Variants in TNS3 observed in about 807,000 individuals in gnomAD.
TNS3 encodes the protein tensin-3.
A neutral mutation model predicts 140.9 loss-of-function variants in TNS3; 45 were observed. The ratio of observed to expected loss-of-function variants is 0.32; its 90% CI spans 0.25 to 0.41. TNS3 has a LOEUF of 0.41. Ranked by LOEUF, TNS3 falls within the 10% of genes least tolerant of loss-of-function variation. The pLI is 1.00. For missense variants in TNS3, 1,716 were observed against 1,906.7 expected, an observed-to-expected ratio of 0.90 and a Z score of 1.86; for synonymous variants, 815 against 788.4, an observed-to-expected ratio of 1.03 and a Z score of -0.56.
chr7:47,446,688 C>CTTTTTTTTTTTTTTTTTTTT (rs144042398), intron 4 of TNS3, among the ~76,000 whole-genome samples: 3 of 96,678 alleles, frequency 3.1e-5, no homozygotes, highest in African/African-American at 4.5e-5. Flanking sequence ...TCCAGGCTGC[C>CTTTTTTTTTTTTTTTTTTTT]TTTTTTTTTT....
At chr7:47,309,779 G>A (rs1230289424) in intron 20 of TNS3, among the ~76,000 whole-genome samples, 1 of 152,224 alleles carries the variant, frequency 6.6e-6, no homozygotes, top group Non-Finnish European at 1.5e-5. Flanking sequence ...ATCAAAGATG[G>A]CCACATCAGC....
chr7:47,313,772 A>T (rs2150785990), intron 20 of TNS3, among the ~76,000 whole-genome samples: 1 of 152,312 alleles, frequency 6.6e-6, no homozygotes, highest in South Asian at 2.1e-4. Context: ...GAAGAGGCTG[A>T]AGGAAAATAA....
rs1424208221 is a variant in TNS3 at position 47,369,326 on chromosome 7, G to A, written c.1320C>T (p.Ser440=). 6.2e-7 allele frequency: 1 copy of A among 1,614,170 alleles called. No homozygotes were observed. Among genetic ancestry groups the A allele is most frequent in the South Asian group, 1.1e-5 (1 of 91,086 alleles). Residue 440 remains serine (S), a synonymous_variant, in exon 17 of 31, where the codon TCC becomes TCT. Coordinates refer to ENST00000311160, the MANE Select transcript of TNS3 (RefSeq NM_022748.12). ...TTCGAGCATCAGTCATTTCCTTGAG[G>A]GAGCTTCCAGGATCTTCCAGGCCAA... is the stretch of plus-strand genomic sequence containing the variant. ...SGFGLEDPGS[S]LKEMTDARSK... is the part of the protein sequence containing the mutation.
At chr7:47,499,222 G>T (rs1798124365) in intron 3 of TNS3, among the ~76,000 whole-genome samples, 1 of 152,198 alleles carries the variant, frequency 6.6e-6, no homozygotes, top group Non-Finnish European at 1.5e-5. Flanking sequence ...GGAGTCAGGA[G>T]TAATAGTTCC....
rs917257741 is a variant in TNS3, at chr7:47,415,270, C to T, written c.474-64G>A. ...TCTTCAGCCTCTGCTGAGAAGGGAA[C>T]TCAAGGAGAAACACATCCTGGCTGA... On this transcript the variant is annotated intron_variant, in intron 10 of 30. Transcript: ENST00000311160. 16 of 1,197,150 alleles carry T rather than the reference C, an allele frequency of 1.3e-5. No homozygotes were observed. The African/African-American group carries it at 2.4e-4, about 18-fold the overall frequency. The allele number at this position is 1,197,150 out of a possible 1,614,324, so 74.2% of individuals were successfully genotyped here.
intron 20 of TNS3, among the ~76,000 whole-genome samples, chr7:47,311,399 A>AGTAT (rs1787087076): frequency 1.4e-5 from 2 of 147,324 alleles, no homozygotes; most frequent in Non-Finnish European, 3.0e-5. Flanking sequence ...GAACTTAAAG[A>AGTAT]GTGTGTGTGT....
intron 1 of TNS3, among the ~76,000 whole-genome samples, chr7:47,530,836 A>ATATATAT (rs1236106676): frequency 3.0e-5 from 1 of 33,280 alleles, no homozygotes; most frequent in Non-Finnish European, 6.2e-5. Flanking sequence ...AAAAAAAAAA[A>ATATATAT]AAATATATAT....
At position 47,457,744 on chromosome 7, in the gene TNS3, C is replaced by G. The variant is rs183518241; in HGVS notation, c.-75-15689G>C. ...ACTCATCCTTTCTGCAGAGGCAGAGCGTATTACAGTTGAAGGACCATGGGA... is the reference window on the plus strand; with the variant it reads ...ACTCATCCTTTCTGCAGAGGCAGAGGGTATTACAGTTGAAGGACCATGGGA... On this transcript the variant is annotated intron_variant, in intron 4 of 30. Transcript: ENST00000311160. 2.6e-5 allele frequency among the ~76,000 whole-genome samples: 4 copies of G among 152,338 alleles called. No homozygotes were observed. The South Asian group carries it at 8.3e-4, about 32-fold the overall frequency.
At chr7:47,316,425 G>A (rs1352781137) in intron 20 of TNS3, among the ~76,000 whole-genome samples, 1 of 151,924 alleles carries the variant, frequency 6.6e-6, no homozygotes, top group African/African-American at 2.4e-5. Flanking sequence ...CACTTCAATT[G>A]GGATCAGATT....
intron 4 of TNS3, among the ~76,000 whole-genome samples, chr7:47,480,204 G>C (rs1258400983): frequency 1.3e-5 from 2 of 152,240 alleles, no homozygotes; most frequent in Non-Finnish European, 2.9e-5. Flanking sequence ...CCCAGATTCT[G>C]TGTATGGCGA....
intron 17 of TNS3, among the ~76,000 whole-genome samples, chr7:47,346,859 C>A (rs1228011281): frequency 1.3e-5 from 2 of 152,180 alleles, no homozygotes; most frequent in Middle Eastern, 3.2e-3. Flanking sequence ...AGGGAAAAAA[C>A]CTATTATTTC....
intron 20 of TNS3, among the ~76,000 whole-genome samples, chr7:47,330,672 G>A (rs756096873): frequency 3.9e-5 from 6 of 152,054 alleles, no homozygotes; most frequent in East Asian, 1.9e-4. Context: ...TTTCCCTTTC[G>A]GAGGAAGACA....
At chr7:47,484,908 AAAG>A (rs1330573738) in intron 3 of TNS3, among the ~76,000 whole-genome samples, 1 of 152,232 alleles carries the variant, frequency 6.6e-6, no homozygotes, top group African/African-American at 2.4e-5. Flanking sequence ...TCCTCGGCAC[AAAG>A]AAGCTAACAC....
At chr7:47,313,277 C>T (rs1456180344) in intron 20 of TNS3, among the ~76,000 whole-genome samples, 2 of 152,216 alleles carry the variant, frequency 1.3e-5, no homozygotes, top group African/African-American at 4.8e-5. Flanking sequence ...GTCCCCAGCA[C>T]TGGGCTGGCA....
intron 27 of TNS3, among the ~76,000 whole-genome samples, chr7:47,287,309 C>T (rs2150579050): frequency 6.6e-6 from 1 of 152,194 alleles, no homozygotes; most frequent in Admixed American, 6.5e-5. Flanking sequence ...GGCATAATGG[C>T]CTTAATATTT....
intron 1 of TNS3, among the ~76,000 whole-genome samples, chr7:47,564,935 T>C (rs140568928): frequency 2.0e-5 from 3 of 152,204 alleles, no homozygotes; most frequent in Non-Finnish European, 2.9e-5. Flanking sequence ...CCTGAGTTCA[T>C]AGGAACTCCT....
rs770260582 is a variant in TNS3 at position 47,435,286 on chromosome 7, C to G, written c.320G>C (p.Cys107Ser). The G allele has an allele frequency of 6.2e-7, 1 of 1,614,050 alleles. No individual in the cohort carries two copies. Among genetic ancestry groups the G allele is most frequent in the East Asian group, 2.2e-5 (1 of 44,878 alleles). ...TGTGAGAGGGGGCGCACTCACCCTG[C>G]AGTGAATGACGACCACATGCTGGAG... ...SNLQHVVVIH[C>S]RGGKGRIGVV... The change falls in exon 8 of 31, where the codon TGC (cysteine) becomes TCC (serine). Residue 107 changes from cysteine to serine, a missense_variant. Physicochemically the swap from Cys to Ser is moderately radical, Grantham distance 112 (BLOSUM62 -1). Around this residue, in one of 3 missense-constraint regions of TNS3, gnomAD observed 337 missense variants for 428.9 expected, o/e 0.79. Transcript: ENST00000311160.
At chr7:47,506,592 G>A (rs1798425567) in intron 3 of TNS3, among the ~76,000 whole-genome samples, 1 of 152,048 alleles carries the variant, frequency 6.6e-6, no homozygotes, top group Non-Finnish European at 1.5e-5. Flanking sequence ...TCCACCGAGA[G>A]GCAGTATGAC....
intron 2 of TNS3, among the ~76,000 whole-genome samples, chr7:47,515,976 G>A (rs1798765439): frequency 6.6e-6 from 1 of 152,116 alleles, no homozygotes; most frequent in Admixed American, 6.5e-5. Flanking sequence ...CCTCCACCAC[G>A]CTCTGCTGCT....
Sources: gnomAD v4.1 joint callset for allele counts (sites outside exome capture counted in the v4.1 genomes callset) on GRCh38, gnomAD v4.1.1 for gene constraint, gnomAD v4.1.1 regional missense constraint, MANE v1.5 for transcripts, NCBI Gene and HGNC (gene_info 2026-07-23, HGNC 2026-07-21) for gene names.